Variants in ANXA7 observed in about 807,000 individuals in gnomAD.
ANXA7 encodes the protein annexin A7.
A neutral mutation model predicts 64.9 loss-of-function variants in ANXA7; 55 were observed. That is an observed-to-expected ratio of 0.85 (90% CI 0.68 to 1.06). ANXA7 has a LOEUF of 1.06. Ranked by LOEUF, ANXA7 falls within the 50% of genes least tolerant of loss-of-function variation. The pLI, the probability that ANXA7 is intolerant of heterozygous loss-of-function variation, is 0.00. For missense variants in ANXA7, 548 were observed against 582.1 expected (o/e 0.94, Z 0.60); for synonymous variants, 200 against 192.4 (o/e 1.04, Z -0.33).
chr10:73,382,381 T>C (rs1447421716), intron 9 of ANXA7, among the ~76,000 whole-genome samples: 5 of 152,142 alleles, frequency 3.3e-5, no homozygotes, highest in African/African-American at 1.2e-4. Flanking sequence ...CTCACTCTAT[T>C]GCCCAGGCTG....
At chr10:73,395,921 AC>A (rs772124178) in intron 5 of ANXA7, 153 of 744,124 alleles carry the variant, frequency 2.1e-4, no homozygotes, top group Admixed American at 9.4e-4. Flanking sequence ...TTACAGGAAC[AC>A]AAAGATAAAA....
chr10:73,408,709 T>C (rs1466763179), intron 1 of ANXA7, among the ~76,000 whole-genome samples: 1 of 152,206 alleles, frequency 6.6e-6, no homozygotes, highest in Non-Finnish European at 1.5e-5. Context: ...TGCAATTCCA[T>C]TTCCAGGAAT....
chr10:73,400,885 G>C (rs774638632), intron 1 of ANXA7, 28 bp from the exon 2 acceptor site: 4 of 1,570,708 alleles, frequency 2.5e-6, no homozygotes, highest in Non-Finnish European at 3.5e-6. Flanking sequence ...AATGTCCTCT[G>C]TAAGTTTTTT....
intron 5 of ANXA7, among the ~76,000 whole-genome samples, chr10:73,392,119 G>A (rs945479576): frequency 2.6e-5 from 4 of 151,954 alleles, no homozygotes; most frequent in Admixed American, 2.6e-4. Flanking sequence ...ATAAATTCCT[G>A]GACACATACA....
intron 2 of ANXA7, 99 bp downstream of exon 2, chr10:73,400,703 AT>A: frequency 1.1e-6 from 1 of 934,014 alleles, no homozygotes; most frequent in Non-Finnish European, 1.6e-6. Flanking sequence ...GAGCATCTGA[AT>A]TTATGACCCC....
chr10:73,384,099 C>T (rs760093949), intron 7 of ANXA7, among the ~76,000 whole-genome samples: 16 of 149,100 alleles, frequency 1.1e-4, no homozygotes, highest in South Asian at 2.1e-4. Context: ...CCAGCCTGGG[C>T]GACAGAGCAA....
chr10:73,382,330 C>T (rs1414825063), intron 9 of ANXA7, among the ~76,000 whole-genome samples: 1 of 147,224 alleles, frequency 6.8e-6, no homozygotes, highest in African/African-American at 2.6e-5. Flanking sequence ...TCTAAGTGTG[C>T]TTCTTTTCTT....
rs776769860 is a variant in ANXA7, at chr10:73,385,852, A to G, written c.633+1837T>C. 5.3e-4 allele frequency among the ~76,000 whole-genome samples: 80 copies of G among 152,182 alleles called. 1 individual carries two copies. Among genetic ancestry groups the G allele is most frequent in the Non-Finnish European group, 1.2e-4 (8 of 68,030 alleles). ...GCAAGGTGGGACCAATCAATGGACC[A>G]CTACCCCATTCTGAGAAATATAAAC... On this transcript the variant is annotated intron_variant, in intron 7 of 12. Coordinates refer to ENST00000372921, the MANE Select transcript of ANXA7 (RefSeq NM_001156.5).
intron 5 of ANXA7, chr10:73,395,964 G>A (rs1024080126): frequency 7.8e-6 from 7 of 892,944 alleles, no homozygotes; most frequent in Non-Finnish European, 1.3e-5. Context: ...GAAGTAGTGA[G>A]AGACAAGTAC....
intron 5 of ANXA7, 102 bp downstream of exon 5, chr10:73,396,417 T>C: frequency 2.4e-6 from 2 of 818,542 alleles, no homozygotes; most frequent in East Asian, 2.4e-5. Flanking sequence ...CTTCCATTAC[T>C]ATAATGGGCC....
intron 5 of ANXA7, among the ~76,000 whole-genome samples, chr10:73,390,235 C>T (rs1489442041): frequency 6.6e-6 from 1 of 152,168 alleles, no homozygotes. Context: ...AAGTTATACA[C>T]ATTGAATACA....
At position 73,396,278 on chromosome 10, in the gene ANXA7, C is replaced by T. The variant is rs7100670; in HGVS notation, c.435+241G>A. Among the ~76,000 whole-genome samples the T allele has an allele frequency of 0.15, 22,998 of 152,096 alleles. 2,837 individuals are homozygous for T. The highest frequency in any genetic ancestry group is 0.32 in the African/African-American group (13,168 of 41,440). On this transcript the variant is annotated intron_variant, in intron 5 of 12. Coordinates refer to ENST00000372921, the MANE Select transcript of ANXA7 (RefSeq NM_001156.5). ...AAAACCAAGACCCCAGGTTAATCTC[C>T]AGGATAAAGTTGTGAGAATCATTAC...
Position 73,398,237 on chromosome 10 carries a change from G to T in ANXA7, c.203C>A (p.Ala68Asp), listed in dbSNP as rs751884414. The T allele has an allele frequency of 6.2e-7, 1 of 1,614,038 alleles. No homozygotes were observed. The highest frequency in any genetic ancestry group is 1.1e-5 in the South Asian group (1 of 91,072). ...TGGGGCACCAGGATAGCCTCCAGGG[G>T]CTGGATAACCTCCAGGCGCAGGGTA... ...GGYPAPGGYPAPGGYPGAPQP... is the reference protein window; with the variant it reads ...GGYPAPGGYPDPGGYPGAPQP... The change falls in exon 3 of 13, where the codon GCC becomes GAC. Residue 68 changes from alanine to aspartate, a missense_variant. Transcript: ENST00000372921.
chr10:73,380,895 C>T (rs893412155), intron 9 of ANXA7, among the ~76,000 whole-genome samples: 3 of 152,132 alleles, frequency 2.0e-5, no homozygotes, highest in African/African-American at 7.2e-5. Context: ...AGACATTAAG[C>T]ACTTTCTTTG....
intron 5 of ANXA7, among the ~76,000 whole-genome samples, chr10:73,389,449 T>C (rs1316879123): frequency 1.3e-5 from 2 of 152,214 alleles, no homozygotes; most frequent in East Asian, 3.8e-4. Context: ...ACTATATCGA[T>C]GTTATTTCCT....
At chr10:73,381,661 A>G (rs1342014338) in intron 9 of ANXA7, 5 of 152,232 alleles carry the variant, frequency 3.3e-5, no homozygotes, top group Non-Finnish European at 5.9e-5. Context: ...CATGCCCTGG[A>G]AAAGGTAGGG....
chr10:73,379,442 G>A (rs912292980), intron 11 of ANXA7, among the ~76,000 whole-genome samples: 3 of 152,182 alleles, frequency 2.0e-5, no homozygotes, highest in African/African-American at 7.2e-5. Context: ...CCAGAAACTG[G>A]TTAACTTCAA....
chr10:73,394,631 G>A (rs2055540380), intron 5 of ANXA7, among the ~76,000 whole-genome samples: 1 of 152,148 alleles, frequency 6.6e-6, no homozygotes, highest in African/African-American at 2.4e-5. Context: ...GACACCGCAT[G>A]GTCTCACTCA....
At chr10:73,405,347 G>T (rs1589665462) in intron 1 of ANXA7, among the ~76,000 whole-genome samples, 1 of 150,710 alleles carries the variant, frequency 6.6e-6, no homozygotes, top group South Asian at 2.1e-4. Flanking sequence ...TTCGAGACCA[G>T]CCTGGCCAAC....
Sources: gnomAD v4.1 joint callset for allele counts (sites outside exome capture counted in the v4.1 genomes callset) on GRCh38, gnomAD v4.1.1 for gene constraint, MANE v1.5 for transcripts, NCBI Gene and HGNC (gene_info 2026-07-23, HGNC 2026-07-21) for gene names.